The following KIR3DL2 variants were observed in gnomAD, a reference collection of about 807,000 sequenced individuals.
KIR3DL2 encodes the protein killer cell immunoglobulin-like receptor 3DL2.
Under a neutral mutation model 41.6 loss-of-function variants are expected in KIR3DL2, and 42 were observed. The observed-to-expected ratio is 1.01, with a 90% CI of 0.79 to 1.31. The LOEUF (loss-of-function observed/expected upper bound fraction) is 1.31. Ranked by LOEUF, KIR3DL2 falls within the 50% of genes most tolerant of loss-of-function variation. KIR3DL2 has a pLI of 0.00. For synonymous variants in KIR3DL2, 230 were observed against 221.3 expected, an observed-to-expected ratio of 1.04 and a Z score of -0.35; for missense variants, 728 against 576.8, an observed-to-expected ratio of 1.26 and a Z score of -2.68.
intron 6 of KIR3DL2, among the ~76,000 whole-genome samples, chr19:54,861,790 C>T (rs1569525649): frequency 6.6e-6 from 1 of 151,636 alleles, no homozygotes; most frequent in African/African-American, 2.4e-5. Flanking sequence ...AGCCTAAAAC[C>T]TCTTCCATAT....
chr19:54,863,071 G>T (rs1167548917), intron 6 of KIR3DL2, among the ~76,000 whole-genome samples: 2 of 126,684 alleles, frequency 1.6e-5, no homozygotes, highest in East Asian at 4.6e-4. Flanking sequence ...TGTTCTCATT[G>T]TTCAATTCCC....
At position 54,865,865 on chromosome 19, in the gene KIR3DL2, T is replaced by G. The variant is rs746789540; in HGVS notation, c.1061T>G (p.Leu354Arg). 63 of 1,613,654 alleles carry G rather than the reference T, an allele frequency of 3.9e-5. No individual in the cohort carries two copies. The highest frequency in any genetic ancestry group is 1.2e-4 in the Admixed American group (7 of 60,000). ...GTSVVIFLFI[L>R]LLFFLLYRWC... ...TCAGTGGTCATCTTCCTCTTCATCC[T>G]CCTCCTCTTCTTTCTCCTTTATCGC... is the stretch of plus-strand genomic sequence containing the variant. Residue 354 changes from leucine to arginine, a missense_variant, in exon 7 of 9, where the codon CTC becomes CGC. By Grantham distance (102) the Leu-to-Arg change is moderately radical. Transcript: ENST00000326321.
At chr19:54,851,362 G>T in intron 2 of KIR3DL2, 107 bp downstream of exon 2, 2 of 1,268,218 alleles carry the variant, frequency 1.6e-6, no homozygotes, top group Non-Finnish European at 1.1e-6. Flanking sequence ...AGGAAGAGGG[G>T]ACCCTTGGAT....
chr19:54,864,071 C>A (rs1321972478), intron 6 of KIR3DL2, among the ~76,000 whole-genome samples: 1 of 151,946 alleles, frequency 6.6e-6, no homozygotes, highest in Non-Finnish European at 1.5e-5. Context: ...AGCTTTCTAC[C>A]TATGGCTAGC....
Position 54,866,516 on chromosome 19 carries a change from C to T in KIR3DL2, c.1159-6C>T, listed in dbSNP as rs376254368. 52 of 1,613,928 alleles carry T rather than the reference C, an allele frequency of 3.2e-5. 1 individual carries two copies. Among genetic ancestry groups the T allele is most frequent in the Non-Finnish European group, 4.1e-5 (48 of 1,179,990 alleles). The stretch of plus-strand genomic sequence containing the variant: ...CCTCCCTCACTCAGCATTTCCCTCT[C>T]TCCAGGACTCTGATGAACAAGACCC... On this transcript the variant is annotated splice_polypyrimidine_tract_variant and splice_region_variant and intron_variant, in intron 8 of 8. Coordinates refer to ENST00000326321, the MANE Select transcript of KIR3DL2 (RefSeq NM_006737.4).
At chr19:54,863,426 G>A (rs1208821636) in intron 6 of KIR3DL2, among the ~76,000 whole-genome samples, 17 of 152,018 alleles carry the variant, frequency 1.1e-4, no homozygotes, top group African/African-American at 1.9e-4. Flanking sequence ...CTGAGGAATC[G>A]CCACACTGAC....
At chr19:54,858,908 G>A (rs1273099633) in intron 5 of KIR3DL2, among the ~76,000 whole-genome samples, 171 bp from the exon 6 acceptor site, 3 of 151,398 alleles carry the variant, frequency 2.0e-5, no homozygotes, top group Non-Finnish European at 4.4e-5. Flanking sequence ...ATACCTTCAA[G>A]TCTCAAGACA....
At chr19:54,863,021 A>T (rs1182732890) in intron 6 of KIR3DL2, among the ~76,000 whole-genome samples, 1 of 74,186 alleles carries the variant, frequency 1.3e-5, no homozygotes, top group Non-Finnish European at 2.4e-5. Context: ...CCACCCCACA[A>T]CAGTCCCCAG....
intron 6 of KIR3DL2, among the ~76,000 whole-genome samples, chr19:54,862,411 C>G (rs1259253172): frequency 6.6e-6 from 1 of 152,080 alleles, no homozygotes; most frequent in Non-Finnish European, 1.5e-5. Context: ...TGGGCCTATG[C>G]CAATTTCTAT....
chr19:54,862,112 G>A (rs1004077349), intron 6 of KIR3DL2, among the ~76,000 whole-genome samples: 4 of 152,088 alleles, frequency 2.6e-5, no homozygotes, highest in South Asian at 2.1e-4. Context: ...GGTGGAGGGG[G>A]TGGTCTTTCC....
At chr19:54,862,037 G>C (rs531594941) in intron 6 of KIR3DL2, among the ~76,000 whole-genome samples, 8 of 152,208 alleles carry the variant, frequency 5.3e-5, no homozygotes, top group Admixed American at 5.2e-4. Context: ...ATCAGCACCA[G>C]CACTAGCTCC....
chr19:54,854,001 T>A lies in KIR3DL2; in HGVS notation c.610T>A (p.Tyr204Asn). The part of the protein sequence containing the change: ...RCYGSVPHSP[Y>N]QLSAPSDPLD... ...TTATGGTTCTGTTCCTCACTCCCCC[T>A]ATCAGTTGTCAGCTCCCAGTGACCC... The change falls in exon 4 of 9, where the codon TAT becomes AAT. Residue 204 changes from tyrosine (Y) to asparagine (N), a missense_variant. By Grantham distance (143) the Tyr-to-Asn change is moderately radical. Transcript: ENST00000326321. 1.2e-6 allele frequency: 2 copies of A among 1,613,134 alleles called. No individual in the cohort carries two copies. The highest frequency in any genetic ancestry group is 2.2e-5 in the South Asian group (2 of 91,082).
chr19:54,863,105 G>A (rs2065293696), intron 6 of KIR3DL2, among the ~76,000 whole-genome samples: 1 of 145,976 alleles, frequency 6.9e-6, no homozygotes, highest in Non-Finnish European at 1.5e-5. Context: ...AACATGCGGT[G>A]TTTGGATTTT....
intron 6 of KIR3DL2, among the ~76,000 whole-genome samples, chr19:54,861,323 G>A (rs1343858837): frequency 6.6e-6 from 1 of 151,928 alleles, no homozygotes; most frequent in Non-Finnish European, 1.5e-5. Flanking sequence ...GCTAGATGAG[G>A]GGTGGTGCAA....
rs182487535 is a variant in KIR3DL2, at chr19:54,866,589, G to A, written c.1226G>A (p.Arg409Lys). ...AQLDHCVFIQRKISRPSQRPK... is the reference protein window; with the variant it reads ...AQLDHCVFIQKKISRPSQRPK... The stretch of plus-strand genomic sequence containing the variant: ...TTGGATCACTGCGTTTTCATACAGA[G>A]AAAAATCAGTCGCCCTTCTCAGAGG... The change falls in exon 9 of 9, where the codon AGA (arginine) becomes AAA (lysine). Residue 409 changes from arginine (R) to lysine (K), a missense_variant. Transcript: ENST00000326321. The A allele has an allele frequency of 2.3e-5, 37 of 1,614,006 alleles. No individual in the cohort carries two copies. Among genetic ancestry groups the A allele is most frequent in the Non-Finnish European group, 3.1e-5 (37 of 1,179,984 alleles).
intron 5 of KIR3DL2, among the ~76,000 whole-genome samples, chr19:54,858,531 C>A (rs1185284814): frequency 6.6e-6 from 1 of 150,808 alleles, no homozygotes; most frequent in Non-Finnish European, 1.5e-5. Flanking sequence ...GAGTTCAAGA[C>A]CAGGCTGGCC....
chr19:54,860,050 A>G (rs940739609), intron 6 of KIR3DL2, among the ~76,000 whole-genome samples: 18 of 151,974 alleles, frequency 1.2e-4, no homozygotes, highest in African/African-American at 4.1e-4. Context: ...AATCCATCAT[A>G]ATCTCCCGGA....
intron 5 of KIR3DL2, among the ~76,000 whole-genome samples, chr19:54,857,640 C>T (rs1170811816): frequency 6.6e-6 from 1 of 150,844 alleles, no homozygotes; most frequent in African/African-American, 2.5e-5. Flanking sequence ...CAACCTCTGC[C>T]TCCCGCGTTC....
intron 3 of KIR3DL2, among the ~76,000 whole-genome samples, chr19:54,852,920 A>G (rs1287564577): frequency 1.4e-5 from 2 of 148,138 alleles, no homozygotes; most frequent in African/African-American, 5.0e-5. Flanking sequence ...GGAAACCGAC[A>G]CAGGAACCCA....
Sources: gnomAD v4.1 joint callset for allele counts (sites outside exome capture counted in the v4.1 genomes callset) on GRCh38, gnomAD v4.1.1 for gene constraint, MANE v1.5 for transcripts, NCBI Gene and HGNC (gene_info 2026-07-23, HGNC 2026-07-21) for gene names.